SYCP1: variants seen among roughly 807,000 people sequenced by gnomAD.
SYCP1 encodes synaptonemal complex protein 1, also known as cancer/testis antigen 8.
Under a neutral mutation model 153.1 loss-of-function variants are expected in SYCP1, and 64 were observed. The observed-to-expected ratio is 0.42, with a 90% CI of 0.34 to 0.51. The LOEUF (loss-of-function observed/expected upper bound fraction) is 0.51, where lower values mean the gene tolerates loss of function less well. Ranked by LOEUF, SYCP1 falls within the 20% of genes least tolerant of loss-of-function variation. The probability of loss-of-function intolerance (pLI) is 0.06; values close to 1 mark genes in which losing one functional copy is unlikely to be tolerated. For missense variants in SYCP1, 997 were observed against 1,049.0 expected (o/e 0.95, Z 0.68); for synonymous variants, 384 against 341.8 (o/e 1.12, Z -1.36).
chr1:114,995,047 C>G lies in SYCP1; in HGVS notation c.*28C>G. ...TCAGAGAATCAGTGTAGTTAAGGAG[C>G]CTAATAACGTGAAACTTATAGTTAA... On this transcript the variant is annotated 3_prime_UTR_variant, in exon 32 of 32. Transcript: ENST00000369522. The G allele has an allele frequency of 6.4e-7, 1 of 1,553,006 alleles. No individual in the cohort carries two copies. Among genetic ancestry groups the G allele is most frequent in the South Asian group, 1.3e-5 (1 of 79,980 alleles).
intron 16 of SYCP1, among the ~76,000 whole-genome samples, chr1:114,908,219 GT>G (rs1557789862): frequency 6.7e-6 from 1 of 149,298 alleles, no homozygotes. Context: ...TGGGTTGACA[GT>G]TTTGTTTCTT....
At chr1:114,856,697 A>G in intron 3 of SYCP1, 40 bp downstream of exon 3, 1 of 1,362,836 alleles carries the variant, frequency 7.3e-7, no homozygotes, top group Non-Finnish European at 1.0e-6. Context: ...TTATATAGAA[A>G]CATTGTGTTA....
At chr1:114,923,313 T>G in intron 20 of SYCP1, 136 bp from the exon 21 acceptor site, 2 of 864,388 alleles carry the variant, frequency 2.3e-6, no homozygotes, top group Non-Finnish European at 1.7e-6. Context: ...GTACTTATAT[T>G]ATGAAGTATT....
rs1220208323 is a variant in SYCP1, at chr1:114,915,859, GT to G, written c.1718+1815del. On this transcript the variant is annotated intron_variant, in intron 20 of 31. Transcript: ENST00000369522. ...GAGTACTTATCCTATTAGCAGCACA[GT>G]GGTAGCCAAGGGTCTCTGTCTGCAA... 7.2e-5 allele frequency among the ~76,000 whole-genome samples: 11 copies of G among 152,262 alleles called. No individual in the cohort carries two copies. The East Asian group carries it at 1.7e-3, about 24-fold the overall frequency.
At chr1:114,905,889 T>C (rs1012997177) in intron 16 of SYCP1, among the ~76,000 whole-genome samples, 2 of 152,196 alleles carry the variant, frequency 1.3e-5, no homozygotes, top group African/African-American at 4.8e-5. Flanking sequence ...TTTCCTGTTA[T>C]CCTTTTAAAT....
chr1:114,966,579 G>A (rs1440331684), intron 27 of SYCP1, among the ~76,000 whole-genome samples: 1 of 151,866 alleles, frequency 6.6e-6, no homozygotes, highest in African/African-American at 2.4e-5. Context: ...AACTTATTTA[G>A]TTCCACCTTA....
Position 114,911,500 on chromosome 1 carries a change from A to G in SYCP1, c.1447A>G (p.Ile483Val). 4 of 1,556,484 alleles carry G rather than the reference A, an allele frequency of 2.6e-6. No individual in the cohort carries two copies. Among genetic ancestry groups the G allele is most frequent in the Non-Finnish European group, 3.5e-6 (4 of 1,157,248 alleles). ...AREKEVHDLEIQLTAITTSEQ... is the reference protein window; with the variant it reads ...AREKEVHDLEVQLTAITTSEQ... The stretch of plus-strand genomic sequence containing the variant: ...GCAGAAAGAAGTACATGATTTGGAA[A>G]TACAGTTAACTGCCATTACCACAAG... The change falls in exon 18 of 32, where the codon ATA (isoleucine) becomes GTA (valine). Residue 483 changes from isoleucine to valine, a missense_variant. By Grantham distance (29) the Ile-to-Val change is conservative. This residue lies in a region of SYCP1 where 712 missense variants were observed against 682.9 expected (regional missense o/e 1.04). Coordinates refer to ENST00000369522, the MANE Select transcript of SYCP1 (RefSeq NM_003176.4).
chr1:114,962,249 G>A (rs1671829821), intron 27 of SYCP1, among the ~76,000 whole-genome samples: 1 of 152,052 alleles, frequency 6.6e-6, no homozygotes, highest in Non-Finnish European at 1.5e-5. Context: ...GCCTCCCAAA[G>A]TGCTGGGATT....
chr1:114,945,169 G>A (rs1298175409), intron 25 of SYCP1, among the ~76,000 whole-genome samples, 187 bp downstream of exon 25: 1 of 151,970 alleles, frequency 6.6e-6, no homozygotes, highest in Non-Finnish European at 1.5e-5. Context: ...ATACAAAGTT[G>A]AGCCTGTGTG....
At chr1:114,954,575 A>ATTTT (rs1162608738) in intron 27 of SYCP1, among the ~76,000 whole-genome samples, 3 of 149,926 alleles carry the variant, frequency 2.0e-5, no homozygotes, top group East Asian at 1.9e-4. Flanking sequence ...TTATTTATTT[A>ATTTT]TTTATTTTTT....
chr1:114,927,673 G>A (rs906663867), intron 23 of SYCP1, among the ~76,000 whole-genome samples: 3 of 152,086 alleles, frequency 2.0e-5, no homozygotes, highest in African/African-American at 7.2e-5. Flanking sequence ...TGGAAGTTGG[G>A]TAAGTAGAAA....
At chr1:114,939,354 A>T (rs947536137) in intron 23 of SYCP1, among the ~76,000 whole-genome samples, 1 of 152,232 alleles carries the variant, frequency 6.6e-6, no homozygotes, top group Non-Finnish European at 1.5e-5. Flanking sequence ...AAGAATATTC[A>T]TGGTGGCTTT....
rs1159076476 is a variant in SYCP1 at position 114,933,556 on chromosome 1, ATGAGT to A, written c.1926+6998_1926+7002del. On this transcript the variant is annotated intron_variant, in intron 23 of 31. Transcript: ENST00000369522. The stretch of plus-strand genomic sequence containing the variant: ...CAAAGCTGGATGGAGAATGATTTTG[ATGAGT>A]TGAGAGAAGAAGGCTTCAGATGATC... Among the ~76,000 whole-genome samples the A allele has an allele frequency of 2.6e-5, 4 of 152,226 alleles. No homozygotes were observed. In the East Asian group the frequency reaches 7.7e-4, roughly 29 times the overall value.
In SYCP1 at chr1:114,910,413, T is replaced by C; in HGVS notation, c.1337T>C (p.Leu446Pro). 1 of 1,595,710 alleles carries C rather than the reference T, an allele frequency of 6.3e-7. No individual in the cohort carries two copies. Among genetic ancestry groups the C allele is most frequent in the Non-Finnish European group, 8.5e-7 (1 of 1,170,220 alleles). Residue 446 changes from leucine to proline, a missense_variant, in exon 17 of 32, where the codon CTT becomes CCT. Leu to Pro is a moderately conservative substitution (Grantham distance 98). Transcript: ENST00000369522. ...LKKVLGEKET[L>P]LYENKQFEKI... ...TATAAATAGGGAGAAAAGGAAACAC[T>C]TTTATATGAAAATAAACAATTTGAG...
intron 30 of SYCP1, 26 bp downstream of exon 30, chr1:114,984,894 G>A (rs777495924): frequency 8.1e-5 from 93 of 1,144,244 alleles, no homozygotes; most frequent in Non-Finnish European, 1.0e-4. Context: ...ATAATATTTA[G>A]TATTTATTTA....
At chr1:114,896,395 A>T (rs1667060023) in intron 16 of SYCP1, among the ~76,000 whole-genome samples, 1 of 152,232 alleles carries the variant, frequency 6.6e-6, no homozygotes, top group Admixed American at 6.5e-5. Flanking sequence ...TCTTAGCTTA[A>T]ATGTCAGTGC....
intron 23 of SYCP1, among the ~76,000 whole-genome samples, chr1:114,938,523 T>C (rs1405642661): frequency 6.6e-6 from 1 of 151,944 alleles, no homozygotes; most frequent in African/African-American, 2.4e-5. Context: ...ATTGTGCACA[T>C]GTACCCTAGA....
At position 114,895,508 on chromosome 1, in the gene SYCP1, T is replaced by C; in HGVS notation, c.1319T>C (p.Leu440Ser). The C allele has an allele frequency of 6.7e-7, 1 of 1,494,710 alleles. No homozygotes were observed. Among genetic ancestry groups the C allele is most frequent in the South Asian group, 1.2e-5 (1 of 81,314 alleles). 92.6% of individuals were successfully genotyped at this position (1,494,710 alleles called of 1,614,324 possible). A position where few individuals can be genotyped will look rare whatever the true frequency, so the allele number is the denominator to read the frequency against. Residue 440 changes from leucine to serine, a missense_variant and splice_region_variant, in exon 16 of 32, where the codon TTG (leucine) becomes TCG (serine). This residue lies in a region of SYCP1 where 712 missense variants were observed against 682.9 expected (regional missense o/e 1.04). Coordinates refer to ENST00000369522, the MANE Select transcript of SYCP1 (RefSeq NM_003176.4). The part of the protein sequence containing the change: ...EVELEELKKV[L>S]GEKETLLYEN... ...GAACTTGAAGAATTGAAAAAAGTCT[T>C]GGTAAGTATAGTCTTTCCTATTAAT...
chr1:114,899,681 T>C (rs1193179406), intron 16 of SYCP1, among the ~76,000 whole-genome samples: 1 of 152,248 alleles, frequency 6.6e-6, no homozygotes, highest in Non-Finnish European at 1.5e-5. Context: ...TTAATTGTGA[T>C]TGATAGTATA....
Sources: allele counts gnomAD v4.1 joint callset (sites outside exome capture counted in the v4.1 genomes callset), GRCh38; gene constraint gnomAD v4.1.1; regional missense constraint gnomAD v4.1.1; transcripts MANE v1.5; gene names NCBI Gene and HGNC (gene_info 2026-07-23, HGNC 2026-07-21).